Variants in RYR2 observed in about 807,000 individuals in gnomAD.
RYR2 encodes the protein cardiac muscle ryanodine receptor-calcium release channel.
Under a neutral mutation model 601.1 loss-of-function variants are expected in RYR2, and 227 were observed. The observed-to-expected ratio is 0.38, with a 90% CI of 0.34 to 0.42. RYR2 has a LOEUF of 0.42. RYR2 is among the 10% of genes least tolerant of loss of function. The pLI is 1.00. For synonymous variants in RYR2, 2,223 were observed against 2,175.1 expected, an observed-to-expected ratio of 1.02 and a Z score of -0.61; for missense variants, 4,646 against 6,156.5, an observed-to-expected ratio of 0.75 and a Z score of 8.21.
chr1:237,631,581 T>C (rs760199222), intron 42 of RYR2, 40 bp downstream of exon 42: 3 of 963,814 alleles, frequency 3.1e-6, no homozygotes, highest in Non-Finnish European at 4.8e-6. Context: ...TAGTATCATC[T>C]CCTGGAGTAT....
chr1:237,409,298 T>C lies in RYR2; in HGVS notation c.774-7751T>C, dbSNP rs543076275. ...GTATGGTGTTGGCTGTAGGCATTTT[T>C]TGTAGATGTTCTTTATCAACTTGAG... On this transcript the variant is annotated intron_variant, in intron 10 of 104. Transcript: ENST00000366574. Among the ~76,000 whole-genome samples the C allele has an allele frequency of 2.0e-5, 3 of 152,236 alleles. No individual in the cohort carries two copies. In the South Asian group the frequency reaches 6.2e-4, roughly 32 times the overall value.
intron 11 of RYR2, among the ~76,000 whole-genome samples, chr1:237,418,127 C>G (rs1312082020): frequency 6.6e-6 from 1 of 152,110 alleles, no homozygotes; most frequent in African/African-American, 2.4e-5. Flanking sequence ...ACTGCAAGCT[C>G]CACCTCCCGG....
At chr1:237,375,042 A>AT (rs1311914222) in intron 7 of RYR2, among the ~76,000 whole-genome samples, 1 of 152,200 alleles carries the variant, frequency 6.6e-6, no homozygotes, top group Non-Finnish European at 1.5e-5. Context: ...TGGATAGAAA[A>AT]TTAATATTTA....
chr1:237,189,879 A>ATT (rs61306892), intron 1 of RYR2, among the ~76,000 whole-genome samples: 47,206 of 107,598 alleles, frequency 0.44, 10,975 homozygotes, highest in African/African-American at 0.7. Flanking sequence ...TTTTATTTTT[A>ATT]TTTTTTTTTT....
intron 14 of RYR2, among the ~76,000 whole-genome samples, chr1:237,446,962 A>T (rs140051477): frequency 2.6e-5 from 4 of 152,312 alleles, no homozygotes; most frequent in African/African-American, 9.6e-5. Flanking sequence ...TTGGAAACAA[A>T]CTTAGCCTTT....
chr1:237,112,091 G>A (rs1283264753), intron 1 of RYR2, among the ~76,000 whole-genome samples: 1 of 152,038 alleles, frequency 6.6e-6, no homozygotes, highest in Non-Finnish European at 1.5e-5. Context: ...TCCATCACTG[G>A]ATGTTTTTGC....
chr1:237,416,824 T>C (rs1038004302), intron 10 of RYR2, among the ~76,000 whole-genome samples: 2 of 151,966 alleles, frequency 1.3e-5, no homozygotes, highest in Non-Finnish European at 2.9e-5. Context: ...AGAGAGAATA[T>C]GTTTAAATCA....
intron 24 of RYR2, among the ~76,000 whole-genome samples, chr1:237,528,258 G>A (rs562385998): frequency 1.7e-4 from 26 of 152,268 alleles, no homozygotes; most frequent in African/African-American, 5.3e-4. Context: ...GTGAAATTGT[G>A]AGCAGTATGT....
chr1:237,515,850 C>T (rs1325366964), intron 24 of RYR2, among the ~76,000 whole-genome samples: 41 of 145,574 alleles, frequency 2.8e-4, no homozygotes, highest in Non-Finnish European at 5.9e-4. Flanking sequence ...CCTCCTCCCT[C>T]TTCTTCTCTT....
intron 1 of RYR2, among the ~76,000 whole-genome samples, chr1:237,245,058 A>C (rs1204756916): frequency 1.3e-5 from 2 of 152,102 alleles, no homozygotes; most frequent in Non-Finnish European, 2.9e-5. Flanking sequence ...ATAAAAAAAA[A>C]ATACTAAAAT....
At chr1:237,710,805 C>T (rs906583725) in intron 70 of RYR2, among the ~76,000 whole-genome samples, 4 of 151,846 alleles carry the variant, frequency 2.6e-5, no homozygotes, top group African/African-American at 9.7e-5. Context: ...GCATCCCAGC[C>T]TGGGTGACAG....
intron 24 of RYR2, among the ~76,000 whole-genome samples, chr1:237,512,156 A>AT (rs1665981114): frequency 6.6e-6 from 1 of 152,198 alleles, no homozygotes; most frequent in South Asian, 2.1e-4. Flanking sequence ...TAAATAAGAT[A>AT]TTAAGAGCAA....
At chr1:237,282,594 GT>G (rs1393989176) in intron 2 of RYR2, among the ~76,000 whole-genome samples, 1 of 152,118 alleles carries the variant, frequency 6.6e-6, no homozygotes, top group Non-Finnish European at 1.5e-5. Context: ...CTGCCAATAG[GT>G]TAGATGCACT....
chr1:237,073,265 C>A (rs946980760), intron 1 of RYR2, among the ~76,000 whole-genome samples: 1 of 152,134 alleles, frequency 6.6e-6, no homozygotes, highest in Non-Finnish European at 1.5e-5. Context: ...GGGCCTCTCT[C>A]TCGAGCAGAC....
At chr1:237,797,739 C>T (rs1172954771) in intron 96 of RYR2, among the ~76,000 whole-genome samples, 1 of 152,222 alleles carries the variant, frequency 6.6e-6, no homozygotes, top group Non-Finnish European at 1.5e-5. Flanking sequence ...AGGTCGTTCT[C>T]ATTCCATTTC....
At chr1:237,223,835 T>C (rs1684080781) in intron 1 of RYR2, among the ~76,000 whole-genome samples, 4 of 152,244 alleles carry the variant, frequency 2.6e-5, no homozygotes, top group Admixed American at 2.6e-4. Context: ...ACTTCTAAAA[T>C]ATGTGTGTCA....
Position 237,709,104 on chromosome 1 carries a change from A to T in RYR2, c.10142+6A>T, listed in dbSNP as rs766051753. ...AGATTTGTGGACTATAACAGGTATGATCAAAAGTAATTTAGTAATTTCTCC... is the reference window on the plus strand; with the variant it reads ...AGATTTGTGGACTATAACAGGTATGTTCAAAAGTAATTTAGTAATTTCTCC... On this transcript the variant is annotated splice_donor_region_variant and intron_variant, in intron 69 of 104. Transcript: ENST00000366574. 1.3e-6 allele frequency: 2 copies of T among 1,551,590 alleles called. No homozygotes were observed. The highest frequency in any genetic ancestry group is 4.5e-5 in the East Asian group (2 of 44,188).
chr1:237,695,008 T>C (rs988816730), intron 63 of RYR2, among the ~76,000 whole-genome samples: 1 of 152,174 alleles, frequency 6.6e-6, no homozygotes, highest in African/African-American at 2.4e-5. Flanking sequence ...ATGACTGCTA[T>C]CACTGTTTCC....
chr1:237,370,594 G>A (rs1257143895), intron 6 of RYR2, among the ~76,000 whole-genome samples: 1 of 151,716 alleles, frequency 6.6e-6, no homozygotes, highest in African/African-American at 2.4e-5. Context: ...CCGTGCAGTT[G>A]AAACCTGTGT....
Sources: allele counts gnomAD v4.1 joint callset (sites outside exome capture counted in the v4.1 genomes callset), GRCh38; gene constraint gnomAD v4.1.1; transcripts MANE v1.5; gene names NCBI Gene and HGNC (gene_info 2026-07-23, HGNC 2026-07-21).